The following AGBL4 variants were observed in gnomAD, a reference collection of about 807,000 sequenced individuals.
AGBL4 encodes cytosolic carboxypeptidase 6.
In AGBL4, 58 loss-of-function variants were observed where a neutral mutation model predicts 66.4. That is an observed-to-expected ratio of 0.87 (90% CI 0.71 to 1.09). The LOEUF is 1.09. Among genes scored for constraint, AGBL4 ranks in the 50% least tolerant of loss-of-function variants. The pLI is 0.00. For synonymous variants in AGBL4, 234 were observed against 222.9 expected (o/e 1.05, Z -0.44); for missense variants, 579 against 631.0 (o/e 0.92, Z 0.88).
At chr1:49,918,412 C>T (rs973049013) in intron 1 of AGBL4, among the ~76,000 whole-genome samples, 18 of 152,036 alleles carry the variant, frequency 1.2e-4, no homozygotes, top group South Asian at 4.2e-4. Context: ...ATATCACCAC[C>T]GATCCCACAG....
intron 5 of AGBL4, among the ~76,000 whole-genome samples, chr1:48,901,209 T>G (rs1188740394): frequency 1.4e-4 from 22 of 152,136 alleles, no homozygotes; most frequent in Admixed American, 1.3e-3. Context: ...AAATTAAGAC[T>G]GCCCATACCA....
At chr1:48,993,300 T>C (rs1035225529) in intron 5 of AGBL4, among the ~76,000 whole-genome samples, 1 of 152,188 alleles carries the variant, frequency 6.6e-6, no homozygotes, top group Non-Finnish European at 1.5e-5. Context: ...AAGCCTGGAA[T>C]GGGTACCTCA....
chr1:49,023,183 G>A (rs982374043), intron 5 of AGBL4, among the ~76,000 whole-genome samples: 1 of 152,174 alleles, frequency 6.6e-6, no homozygotes, highest in Non-Finnish European at 1.5e-5. Context: ...GCCATCTTGG[G>A]AGCAGGAAGG....
chr1:49,109,092 C>A (rs1299856412), intron 4 of AGBL4, among the ~76,000 whole-genome samples: 1 of 152,184 alleles, frequency 6.6e-6, no homozygotes, highest in Non-Finnish European at 1.5e-5. Context: ...TTACCTAAAG[C>A]CCTATAACCT....
intron 3 of AGBL4, among the ~76,000 whole-genome samples, chr1:49,686,798 T>C (rs181305760): frequency 6.6e-6 from 1 of 152,310 alleles, no homozygotes; most frequent in East Asian, 1.9e-4. Context: ...GTGTATATTA[T>C]CTCAGGTAGG....
chr1:48,668,561 C>A (rs944304701), intron 6 of AGBL4, among the ~76,000 whole-genome samples: 13 of 152,160 alleles, frequency 8.5e-5, no homozygotes, highest in African/African-American at 3.1e-4. Flanking sequence ...CCACACTGGG[C>A]ACATGTTCTG....
intron 6 of AGBL4, among the ~76,000 whole-genome samples, chr1:48,862,262 C>T (rs1647543375): frequency 6.6e-6 from 1 of 152,202 alleles, no homozygotes; most frequent in South Asian, 2.1e-4. Context: ...ACTTCCTCCC[C>T]TGCGTGCCAT....
At chr1:49,868,200 C>A (rs1289396589) in intron 1 of AGBL4, among the ~76,000 whole-genome samples, 1 of 151,818 alleles carries the variant, frequency 6.6e-6, no homozygotes, top group Non-Finnish European at 1.5e-5. Context: ...ACATACTGCC[C>A]AAAGTAATTT....
In AGBL4 at chr1:48,863,971, G is replaced by T. The variant is rs192435619; in HGVS notation, c.634+3220C>A. On this transcript the variant is annotated intron_variant, in intron 6 of 13. Coordinates refer to ENST00000371839, the MANE Select transcript of AGBL4 (RefSeq NM_032785.4). ...ACATAAAAAAATTTTTTAAAACCTC[G>T]CATATATCAAAACACATCATGGAAA... 2.7e-3 allele frequency among the ~76,000 whole-genome samples: 417 copies of T among 151,964 alleles called. 4 individuals carry two copies. Among genetic ancestry groups the T allele is most frequent in the African/African-American group, 9.6e-3 (400 of 41,466 alleles).
At chr1:48,988,976 C>G (rs1453405258) in intron 5 of AGBL4, among the ~76,000 whole-genome samples, 1 of 152,098 alleles carries the variant, frequency 6.6e-6, no homozygotes, top group Non-Finnish European at 1.5e-5. Context: ...CTTATTTAGT[C>G]TAAGAAATTT....
chr1:49,723,753 C>T (rs760246325), intron 2 of AGBL4, among the ~76,000 whole-genome samples: 5 of 152,222 alleles, frequency 3.3e-5, no homozygotes, highest in African/African-American at 1.2e-4. Context: ...AAAACACTAG[C>T]GATGAGTCAG....
At position 48,759,083 on chromosome 1, in the gene AGBL4, G is replaced by A. The variant is rs776357116; in HGVS notation, c.635-95842C>T. 1.1e-5 allele frequency: 17 copies of A among 1,612,270 alleles called. No individual in the cohort carries two copies. The highest frequency in any genetic ancestry group is 1.4e-5 in the Non-Finnish European group (16 of 1,179,206). ...TCTTCCTGTTGCTGCTGGTAGTTGC[G>A]CAGCAGCTCCTCATACAGAGCCCGG... On this transcript the variant is annotated intron_variant, in intron 6 of 13. Coordinates refer to ENST00000371839, the MANE Select transcript of AGBL4 (RefSeq NM_032785.4).
At chr1:49,211,543 T>A (rs1648670588) in intron 4 of AGBL4, among the ~76,000 whole-genome samples, 1 of 152,134 alleles carries the variant, frequency 6.6e-6, no homozygotes, top group Non-Finnish European at 1.5e-5. Context: ...AAAAAATACC[T>A]CAACAAACAG....
At chr1:49,122,246 A>T (rs1326732233) in intron 4 of AGBL4, among the ~76,000 whole-genome samples, 1 of 152,224 alleles carries the variant, frequency 6.6e-6, no homozygotes, top group African/African-American at 2.4e-5. Flanking sequence ...AATGAGATGA[A>T]CCAGGTACCT....
chr1:48,648,830 G>C (rs1645880467), intron 8 of AGBL4, among the ~76,000 whole-genome samples: 1 of 152,220 alleles, frequency 6.6e-6, no homozygotes, highest in African/African-American at 2.4e-5. Flanking sequence ...CAGCTCATCA[G>C]GTTAAAGCAT....
At chr1:48,760,621 C>T (rs1366461587) in intron 6 of AGBL4, among the ~76,000 whole-genome samples, 7 of 152,186 alleles carry the variant, frequency 4.6e-5, no homozygotes, top group African/African-American at 1.7e-4. Flanking sequence ...GGGCCAGGCG[C>T]ATAGCAGGAG....
At chr1:49,575,103 A>C (rs1644410163) in intron 3 of AGBL4, among the ~76,000 whole-genome samples, 1 of 152,138 alleles carries the variant, frequency 6.6e-6, no homozygotes, top group South Asian at 2.1e-4. Flanking sequence ...GCATTTTGTC[A>C]GTGTAACTGT....
intron 5 of AGBL4, among the ~76,000 whole-genome samples, chr1:49,032,942 C>T (rs538356000): frequency 1.3e-5 from 2 of 152,166 alleles, no homozygotes; most frequent in East Asian, 3.9e-4. Context: ...GTGGTAGTCT[C>T]GGTTGGCTTC....
chr1:49,877,905 C>A (rs1293465612), intron 1 of AGBL4, among the ~76,000 whole-genome samples: 1 of 151,996 alleles, frequency 6.6e-6, no homozygotes, highest in African/African-American at 2.4e-5. Flanking sequence ...TATGTGTCTA[C>A]GAATGTATCC....
Sources: allele counts gnomAD v4.1 joint callset (sites outside exome capture counted in the v4.1 genomes callset), GRCh38; gene constraint gnomAD v4.1.1; transcripts MANE v1.5; gene names NCBI Gene and HGNC (gene_info 2026-07-23, HGNC 2026-07-21).